The following TRHR variants were observed in gnomAD, a reference collection of about 807,000 sequenced individuals.
The protein encoded by TRHR is thyrotropin-releasing hormone receptor.
In TRHR, 14 loss-of-function variants were observed where a neutral mutation model predicts 28.0. That is an observed-to-expected ratio of 0.50 (90% CI 0.33 to 0.78). The LOEUF (loss-of-function observed/expected upper bound fraction) is 0.78, where lower values mean the gene tolerates loss of function less well. Ranked by LOEUF, TRHR falls within the 30% of genes least tolerant of loss-of-function variation. The pLI is 0.02. For missense variants in TRHR, 438 were observed against 469.5 expected (o/e 0.93, Z 0.62); for synonymous variants, 176 against 171.9 (o/e 1.02, Z -0.18).
At chr8:109,093,400 CT>C (rs34645119) in intron 2 of TRHR, among the ~76,000 whole-genome samples, 32 of 77,390 alleles carry the variant, frequency 4.1e-4, no homozygotes, top group East Asian at 7.9e-4. Context: ...GTGCTATTTA[CT>C]TTTTTTTTTT....
At chr8:109,118,013 T>C (rs970661142) in intron 2 of TRHR, among the ~76,000 whole-genome samples, 4 of 151,962 alleles carry the variant, frequency 2.6e-5, no homozygotes, top group African/African-American at 9.7e-5. Flanking sequence ...ATTGTCTTAC[T>C]TCCTGTGCAT....
chr8:109,090,505 T>C (rs561899639), intron 2 of TRHR, among the ~76,000 whole-genome samples: 1 of 152,336 alleles, frequency 6.6e-6, no homozygotes, highest in East Asian at 1.9e-4. Context: ...AGGAATGAAG[T>C]TCCCTTGTTG....
intron 2 of TRHR, among the ~76,000 whole-genome samples, chr8:109,111,078 GGAGGCAGAGTTTGCAGTGAGCC>G (rs1811825087): frequency 6.6e-6 from 1 of 151,010 alleles, no homozygotes; most frequent in African/African-American, 2.4e-5. Context: ...CTTGAACCCA[GGAGGCAGAGTTTGCAGTGAGCC>G]GAGATCACAC....
chr8:109,095,276 T>C (rs1811572210), intron 2 of TRHR, among the ~76,000 whole-genome samples: 1 of 152,026 alleles, frequency 6.6e-6, no homozygotes, highest in Non-Finnish European at 1.5e-5. Flanking sequence ...AGAGAGAACG[T>C]GGCATCAATG....
intron 2 of TRHR, among the ~76,000 whole-genome samples, chr8:109,100,731 A>G (rs1449767881): frequency 6.6e-6 from 1 of 152,148 alleles, no homozygotes; most frequent in Non-Finnish European, 1.5e-5. Context: ...TCATAGTAAA[A>G]ACACAAATTA....
chr8:109,119,164 G>A lies in TRHR; in HGVS notation c.906G>A (p.Leu302=). 1 of 1,612,670 alleles carries A rather than the reference G, an allele frequency of 6.2e-7. No homozygotes were observed. Among genetic ancestry groups the A allele is most frequent in the Non-Finnish European group, 8.5e-7 (1 of 1,179,192 alleles). ...LSSPFQENWF[L]LFCRICIYLN... ...GTCCTTTCCAAGAAAATTGGTTTTT[G>A]CTCTTTTGCAGAATTTGCATTTATC... Residue 302 remains leucine, a synonymous_variant, in exon 3 of 3, where the codon TTG becomes TTA. Transcript: ENST00000518632.
intron 2 of TRHR, among the ~76,000 whole-genome samples, chr8:109,110,697 C>A (rs1277014800): frequency 3.3e-5 from 5 of 152,156 alleles, no homozygotes; most frequent in Non-Finnish European, 1.5e-5. Flanking sequence ...AGTCCACGGT[C>A]TTCCCACCAT....
chr8:109,101,866 A>G (rs1175561734), intron 2 of TRHR, among the ~76,000 whole-genome samples: 1 of 152,172 alleles, frequency 6.6e-6, no homozygotes, highest in East Asian at 1.9e-4. Context: ...TTTGTAAAGT[A>G]GAAAAGAAAC....
At chr8:109,099,365 A>C (rs1811644068) in intron 2 of TRHR, among the ~76,000 whole-genome samples, 1 of 152,240 alleles carries the variant, frequency 6.6e-6, no homozygotes, top group Non-Finnish European at 1.5e-5. Context: ...GCTAGAAATA[A>C]AAGGACCTAT....
Position 109,090,316 on chromosome 8 carries a change from A to G in TRHR, c.789+2015A>G, listed in dbSNP as rs1041359196. On this transcript the variant is annotated intron_variant, in intron 2 of 2. Transcript: ENST00000518632. ...ATTTTGGCAACTGTGAGGGAACTAC[A>G]GGTTTTTCCTTAAAAATACACATTC... Among the ~76,000 whole-genome samples, 5 of 152,332 alleles carry G rather than the reference A, an allele frequency of 3.3e-5. No individual in the cohort carries two copies. The South Asian group carries it at 6.2e-4, about 19-fold the overall frequency.
chr8:109,096,695 G>T (rs2129886361), intron 2 of TRHR, among the ~76,000 whole-genome samples: 1 of 152,254 alleles, frequency 6.6e-6, no homozygotes, highest in East Asian at 1.9e-4. Context: ...AATATGACAA[G>T]CCAGGGCCCC....
At chr8:109,096,709 T>C (rs182590033) in intron 2 of TRHR, among the ~76,000 whole-genome samples, 77 of 152,306 alleles carry the variant, frequency 5.1e-4, no homozygotes, top group Admixed American at 9.8e-4. Context: ...GGGCCCCCTC[T>C]TTTTTTGTGG....
rs190654995 is a variant in TRHR, at chr8:109,119,291, C to A, written c.1033C>A (p.Pro345Thr). ...CNCKQKPTEK[P>T]ANYSVALNYS... is the part of the protein sequence containing the mutation. ...CTGCAAGCAGAAGCCAACAGAGAAA[C>A]CTGCTAACTACAGTGTGGCCCTAAA... Residue 345 changes from proline (P) to threonine (T), a missense_variant, in exon 3 of 3, where the codon CCT becomes ACT. Physicochemically the swap from Pro to Thr is conservative, Grantham distance 38. Transcript: ENST00000518632. The A allele has an allele frequency of 4.9e-5, 79 of 1,612,764 alleles. 1 individual carries two copies. In the Admixed American group the frequency reaches 1.1e-3, roughly 23 times the overall value.
chr8:109,112,143 C>A (rs905991240), intron 2 of TRHR, among the ~76,000 whole-genome samples: 1 of 152,190 alleles, frequency 6.6e-6, no homozygotes, highest in Non-Finnish European at 1.5e-5. Flanking sequence ...ATACCTACTA[C>A]ATATTGTCAT....
At chr8:109,114,550 C>T (rs1811889224) in intron 2 of TRHR, among the ~76,000 whole-genome samples, 1 of 151,996 alleles carries the variant, frequency 6.6e-6, no homozygotes, top group Non-Finnish European at 1.5e-5. Flanking sequence ...TAGTGGTTTC[C>T]ACAAGATTAC....
chr8:109,100,804 C>A (rs950634677), intron 2 of TRHR, among the ~76,000 whole-genome samples: 2 of 152,102 alleles, frequency 1.3e-5, no homozygotes, highest in African/African-American at 2.4e-5. Context: ...TGGAAAGGAG[C>A]ACTCTTAAGC....
intron 2 of TRHR, among the ~76,000 whole-genome samples, chr8:109,100,387 A>G (rs1055153346): frequency 2.0e-5 from 3 of 152,204 alleles, no homozygotes; most frequent in Non-Finnish European, 2.9e-5. Context: ...ATACGTTGGC[A>G]TAAAACAACT....
rs1811996223 is a variant in TRHR at position 109,120,750 on chromosome 8, A to G, written c.*1295A>G. 6.6e-6 allele frequency among the ~76,000 whole-genome samples: 1 copy of G among 151,764 alleles called. No individual in the cohort carries two copies. The highest frequency in any genetic ancestry group is 2.1e-4 in the South Asian group (1 of 4,818). On this transcript the variant is annotated 3_prime_UTR_variant, in exon 3 of 3. Coordinates refer to ENST00000518632, the MANE Select transcript of TRHR (RefSeq NM_003301.7). ...TGGAGACTTGTGAATGAATCTGTCC[A>G]GGACACTTGTCAGTTCCTACCTGAA...
chr8:109,120,505 G>C lies in TRHR; in HGVS notation c.*1050G>C, dbSNP rs974227360. 9.2e-5 allele frequency among the ~76,000 whole-genome samples: 14 copies of C among 151,562 alleles called. No homozygotes were observed. The highest frequency in any genetic ancestry group is 4.6e-4 in the Admixed American group (7 of 15,162). ...CTCCCACTGAGAATTGTAGTCTATG[G>C]ATTTTACCTTGACTGCAATTGTCTT... On this transcript the variant is annotated 3_prime_UTR_variant, in exon 3 of 3. Coordinates refer to ENST00000518632, the MANE Select transcript of TRHR (RefSeq NM_003301.7).
Sources: gnomAD v4.1 joint callset for allele counts (sites outside exome capture counted in the v4.1 genomes callset) on GRCh38, gnomAD v4.1.1 for gene constraint, MANE v1.5 for transcripts, NCBI Gene and HGNC (gene_info 2026-07-23, HGNC 2026-07-21) for gene names.